Variants in KALRN observed in about 807,000 individuals in gnomAD.
KALRN encodes kalirin RhoGEF kinase.
In KALRN, 70 loss-of-function variants were observed where a neutral mutation model predicts 353.7. That is an observed-to-expected ratio of 0.20 (90% CI 0.16 to 0.24). The LOEUF (loss-of-function observed/expected upper bound fraction) is 0.24. Among genes scored for constraint, KALRN ranks in the 10% least tolerant of loss-of-function variants. The probability of loss-of-function intolerance (pLI) is 1.00; values close to 1 mark genes in which losing one functional copy is unlikely to be tolerated. For missense variants in KALRN, 2,791 were observed against 3,756.7 expected, an observed-to-expected ratio of 0.74 and a Z score of 6.72; for synonymous variants, 1,391 against 1,434.8, an observed-to-expected ratio of 0.97 and a Z score of 0.69.
intron 14 of KALRN, among the ~76,000 whole-genome samples, chr3:124,417,482 C>T (rs16835378): frequency 2.6e-5 from 4 of 152,134 alleles, no homozygotes; most frequent in African/African-American, 4.8e-5. Context: ...ATTTACACAA[C>T]GCGTTAAGTT....
chr3:124,466,212 C>T (rs765037117), intron 25 of KALRN, among the ~76,000 whole-genome samples: 5 of 152,066 alleles, frequency 3.3e-5, no homozygotes, highest in Non-Finnish European at 5.9e-5. Context: ...TAACACAAAC[C>T]GGAGACTGAA....
intron 51 of KALRN, among the ~76,000 whole-genome samples, chr3:124,691,918 T>C (rs965267071): frequency 6.6e-6 from 1 of 152,164 alleles, no homozygotes. Context: ...CTTTTAGGTG[T>C]GGGAAATGCA....
chr3:124,056,378 G>T (rs889280960), intron 1 of KALRN, among the ~76,000 whole-genome samples: 2 of 152,080 alleles, frequency 1.3e-5, no homozygotes, highest in African/African-American at 4.8e-5. Context: ...TGGTGCAAAG[G>T]GGTATGTCCC....
intron 34 of KALRN, among the ~76,000 whole-genome samples, chr3:124,604,888 G>A (rs549799954): frequency 6.6e-6 from 1 of 151,970 alleles, no homozygotes; most frequent in Non-Finnish European, 1.5e-5. Context: ...GGGTGCAGTA[G>A]CTCATGCTTG....
At chr3:124,260,006 G>C (rs1266562450) in intron 3 of KALRN, among the ~76,000 whole-genome samples, 1 of 152,070 alleles carries the variant, frequency 6.6e-6, no homozygotes, top group Non-Finnish European at 1.5e-5. Context: ...TTCCTTCTCT[G>C]AATCTTACCC....
At chr3:124,038,064 A>G (rs1047410449) in intron 1 of KALRN, among the ~76,000 whole-genome samples, 4 of 152,148 alleles carry the variant, frequency 2.6e-5, no homozygotes, top group Admixed American at 6.5e-5. Flanking sequence ...TTGTGAATGC[A>G]TCTGCTGTCA....
intron 10 of KALRN, among the ~76,000 whole-genome samples, chr3:124,362,999 G>T (rs1296084805): frequency 6.6e-6 from 1 of 152,114 alleles, no homozygotes; most frequent in Non-Finnish European, 1.5e-5. Flanking sequence ...AAGTTAGAAA[G>T]GTTCAAGGTT....
At chr3:124,397,105 A>G (rs1231891854) in intron 12 of KALRN, among the ~76,000 whole-genome samples, 1 of 152,254 alleles carries the variant, frequency 6.6e-6, no homozygotes, top group Non-Finnish European at 1.5e-5. Flanking sequence ...AAAATGGTCC[A>G]AAATCTTTCC....
chr3:124,413,775 CA>C, intron 14 of KALRN, 110 bp downstream of exon 14: 1 of 890,580 alleles, frequency 1.1e-6, no homozygotes, highest in Non-Finnish European at 1.7e-6. Context: ...CCTACAGATA[CA>C]AAGAATAGAG....
chr3:124,691,423 C>A (rs866364531), intron 51 of KALRN, among the ~76,000 whole-genome samples: 2 of 152,016 alleles, frequency 1.3e-5, no homozygotes, highest in African/African-American at 2.4e-5. Flanking sequence ...AGTGAAACTC[C>A]GTCTCAAAAT....
intron 34 of KALRN, among the ~76,000 whole-genome samples, chr3:124,626,207 AAC>A (rs1434120020): frequency 6.6e-6 from 1 of 152,250 alleles, no homozygotes; most frequent in Admixed American, 6.5e-5. Flanking sequence ...TAAACTATAA[AAC>A]ACAAAATAAT....
At chr3:124,580,919 G>C (rs1243699768) in intron 34 of KALRN, among the ~76,000 whole-genome samples, 1 of 144,322 alleles carries the variant, frequency 6.9e-6, no homozygotes, top group Non-Finnish European at 1.5e-5. Context: ...ACCAGCCCAG[G>C]GAACATGGCA....
chr3:124,412,523 C>G (rs1390837527), intron 13 of KALRN, among the ~76,000 whole-genome samples: 1 of 152,196 alleles, frequency 6.6e-6, no homozygotes, highest in Non-Finnish European at 1.5e-5. Context: ...GTGGAATTAT[C>G]TAGTTCAGTA....
intron 10 of KALRN, among the ~76,000 whole-genome samples, chr3:124,350,833 G>C (rs188590284): frequency 1.3e-5 from 2 of 152,174 alleles, no homozygotes; most frequent in South Asian, 4.1e-4. Flanking sequence ...AAGGAGAAAA[G>C]CAGATGTGAG....
chr3:124,170,008 G>T (rs1294410060), intron 1 of KALRN, among the ~76,000 whole-genome samples: 2 of 152,160 alleles, frequency 1.3e-5, no homozygotes, highest in South Asian at 2.1e-4. Context: ...GGGCTGGCTT[G>T]GTTGAAACTC....
chr3:124,157,046 G>C (rs2069104313), intron 1 of KALRN, among the ~76,000 whole-genome samples: 1 of 152,170 alleles, frequency 6.6e-6, no homozygotes, highest in South Asian at 2.1e-4. Flanking sequence ...GTATATAATA[G>C]AGTCACAGAC....
chr3:124,403,779 C>A (rs2091167846), intron 13 of KALRN, among the ~76,000 whole-genome samples: 1 of 152,166 alleles, frequency 6.6e-6, no homozygotes, highest in African/African-American at 2.4e-5. Context: ...GTGAGCACCT[C>A]CTTATGTAGC....
rs535626625 is a variant in KALRN, at chr3:124,511,948, A to G, written c.4935+15535A>G. 8.2e-4 allele frequency among the ~76,000 whole-genome samples: 125 copies of G among 152,298 alleles called. 2 individuals carry two copies. Among genetic ancestry groups the G allele is most frequent in the Middle Eastern group, 6.8e-3 (2 of 294 alleles). Reference sequence around the variant, plus strand: ...TCTCATGGGTTAGTTTTTAATCTCAACCACTGAATCACAAGATCCATGAAC... The same window carrying G: ...TCTCATGGGTTAGTTTTTAATCTCAGCCACTGAATCACAAGATCCATGAAC... On this transcript the variant is annotated intron_variant, in intron 33 of 59. Coordinates refer to ENST00000682506, the MANE Select transcript of KALRN (RefSeq NM_001388419.1).
intron 6 of KALRN, among the ~76,000 whole-genome samples, chr3:124,316,689 C>G (rs1186887207): frequency 6.6e-6 from 1 of 152,166 alleles, no homozygotes; most frequent in Admixed American, 6.5e-5. Context: ...ACGTGCTATC[C>G]TTTTCCCAGG....
Sources: gnomAD v4.1 joint callset for allele counts (sites outside exome capture counted in the v4.1 genomes callset) on GRCh38, gnomAD v4.1.1 for gene constraint, MANE v1.5 for transcripts, NCBI Gene and HGNC (gene_info 2026-07-23, HGNC 2026-07-21) for gene names.